Variants in BSDC1 observed in about 807,000 individuals in gnomAD.
BSDC1 encodes the protein BSD domain containing 1.
BSDC1 carries 29 observed loss-of-function variants against 56.0 expected under a neutral mutation model. That is an observed-to-expected ratio of 0.52 (90% CI 0.39 to 0.71). BSDC1 has a LOEUF of 0.71. Ranked by LOEUF, BSDC1 falls within the 30% of genes least tolerant of loss-of-function variation. The pLI, the probability that BSDC1 is intolerant of heterozygous loss-of-function variation, is 0.00. For synonymous variants in BSDC1, 210 were observed against 215.3 expected, an observed-to-expected ratio of 0.98 and a Z score of 0.21; for missense variants, 477 against 548.5, an observed-to-expected ratio of 0.87 and a Z score of 1.30.
chr1:32,393,892 G>A, intron 2 of BSDC1, 188 bp downstream of exon 2: 1 of 588,712 alleles, frequency 1.7e-6, no homozygotes. Context: ...TTTCACTGTG[G>A]CTAGTATCAC....
chr1:32,381,270 T>C lies in BSDC1; in HGVS notation c.358-2A>G. ...CGACTGCAGGCTATAGAGGCGAGCC[T>C]GTAAGAAAAGGAGAAGAGGAAAACA... is the stretch of plus-strand genomic sequence containing the variant. On this transcript the variant is annotated splice_acceptor_variant, in intron 4 of 10. Coordinates refer to ENST00000455895, the MANE Select transcript of BSDC1 (RefSeq NM_018045.8). LOFTEE classifies it high-confidence loss of function. The C allele has an allele frequency of 6.2e-7, 1 of 1,613,516 alleles. No individual in the cohort carries two copies. Among genetic ancestry groups the C allele is most frequent in the Non-Finnish European group, 8.5e-7 (1 of 1,179,690 alleles).
intron 3 of BSDC1, chr1:32,386,499 C>T (rs1247459724): frequency 3.1e-6 from 1 of 325,400 alleles, no homozygotes; most frequent in African/African-American, 2.2e-5. Context: ...CATTCTTTCT[C>T]TTTTCTTTCA....
At chr1:32,383,749 C>G (rs1382315208) in intron 4 of BSDC1, 81 bp downstream of exon 4, 11 of 1,359,142 alleles carry the variant, frequency 8.1e-6, no homozygotes, top group Non-Finnish European at 1.1e-5. Flanking sequence ...TGAACATGGG[C>G]TGCTTTTGTG....
In BSDC1 at chr1:32,366,367, G is replaced by A; in HGVS notation, c.*255C>T. The A allele has an allele frequency of 1.5e-6, 1 of 682,074 alleles. No homozygotes were observed. The highest frequency in any genetic ancestry group is 1.5e-5 in the South Asian group (1 of 65,844). 42.3% of individuals were successfully genotyped at this position (682,074 alleles called of 1,614,324 possible). On this transcript the variant is annotated 3_prime_UTR_variant, in exon 11 of 11. Transcript: ENST00000455895. Reference sequence around the variant, plus strand: ...GAAAAACACAGGCTCTTCTGGTGAGGAGGATAGGTTTCCTCTCCCTTGGGT... The same window carrying A: ...GAAAAACACAGGCTCTTCTGGTGAGAAGGATAGGTTTCCTCTCCCTTGGGT...
chr1:32,389,701 C>T (rs1358697744), intron 2 of BSDC1, among the ~76,000 whole-genome samples: 1 of 151,896 alleles, frequency 6.6e-6, no homozygotes, highest in Non-Finnish European at 1.5e-5. Context: ...GCCTGTAATC[C>T]CAGCACTTTG....
In BSDC1 at chr1:32,378,132, C is replaced by T; in HGVS notation, c.597+83G>A. On this transcript the variant is annotated intron_variant, in intron 7 of 10. Coordinates refer to ENST00000455895, the MANE Select transcript of BSDC1 (RefSeq NM_018045.8). This position sits in a 1 kb window ranked among gnomAD's most constrained non-coding sequence, Gnocchi z 5.2. ...GTCCTGATCCCACAACTCTTGGCAC[C>T]CTGTATCCCTTTCTTCTCTCAATAA... 3 of 1,602,836 alleles carry T rather than the reference C, an allele frequency of 1.9e-6. No individual in the cohort carries two copies. Among genetic ancestry groups the T allele is most frequent in the Non-Finnish European group, 2.6e-6 (3 of 1,171,314 alleles).
rs761285170 is a variant in BSDC1 at position 32,376,477 on chromosome 1, A to G, written c.941T>C (p.Leu314Ser). 1.8e-5 allele frequency: 29 copies of G among 1,612,240 alleles called. No homozygotes were observed. The highest frequency in any genetic ancestry group is 2.5e-5 in the Non-Finnish European group (29 of 1,178,626). Residue 314 changes from leucine (L) to serine (S), a missense_variant, in exon 9 of 11, where the codon TTG (leucine) becomes TCG (serine). Physicochemically the swap from Leu to Ser is moderately radical, Grantham distance 145. Transcript: ENST00000455895. Reference sequence around the variant, plus strand: ...ATCCACAGCCAGGCCCTGTTCCTCCAAGGATGCCTCTAGCAGCTTTTGGGA... The same window carrying G: ...ATCCACAGCCAGGCCCTGTTCCTCCGAGGATGCCTCTAGCAGCTTTTGGGA... ...DLSQKLLEAS[L>S]EEQGLAVDVG...
chr1:32,372,307 C>T (rs1642120261), intron 9 of BSDC1, among the ~76,000 whole-genome samples: 1 of 152,246 alleles, frequency 6.6e-6, no homozygotes, highest in South Asian at 2.1e-4. Flanking sequence ...GCTGTCACCA[C>T]AGGCTTCCTG....
In BSDC1 at chr1:32,365,593, G is replaced by A. The variant is rs1009224482; in HGVS notation, c.*1029C>T. 1 of 152,616 alleles carries A rather than the reference G, an allele frequency of 6.6e-6. No homozygotes were observed. The highest frequency in any genetic ancestry group is 1.5e-5 in the Non-Finnish European group (1 of 68,078). 9.5% of individuals were successfully genotyped at this position (152,616 alleles called of 1,614,324 possible). On this transcript the variant is annotated 3_prime_UTR_variant, in exon 11 of 11. Transcript: ENST00000455895. ...GCAGCTTTACCAGAGTGGAGGGTGAGAGCACAAAGGCTGGGTCTGTCTTCA... is the reference window on the plus strand; with the variant it reads ...GCAGCTTTACCAGAGTGGAGGGTGAAAGCACAAAGGCTGGGTCTGTCTTCA...
chr1:32,367,531 G>A, intron 10 of BSDC1: 1 of 985,404 alleles, frequency 1.0e-6, no homozygotes, highest in Non-Finnish European at 1.2e-6. Context: ...AGGCTCATAA[G>A]TTACATGATG....
chr1:32,390,851 C>G (rs572368587), intron 2 of BSDC1, among the ~76,000 whole-genome samples: 1 of 152,094 alleles, frequency 6.6e-6, no homozygotes, highest in Non-Finnish European at 1.5e-5. Context: ...GTGGAGGTTG[C>G]AGAGAACCAT....
chr1:32,378,293 G>C lies in BSDC1; in HGVS notation c.529-10C>G, dbSNP rs765592300. The C allele has an allele frequency of 1.2e-6, 2 of 1,614,018 alleles. No homozygotes were observed. The highest frequency in any genetic ancestry group is 1.7e-6 in the Non-Finnish European group (2 of 1,179,850). On this transcript the variant is annotated splice_polypyrimidine_tract_variant and intron_variant, in intron 6 of 10. Transcript: ENST00000455895. This position sits in a 1 kb window ranked among gnomAD's most constrained non-coding sequence, Gnocchi z 5.2. The stretch of plus-strand genomic sequence containing the variant: ...AAACAGCTGCTGGAACCTGGAGGGA[G>C]GGGAAAATGGAGGTGAGACTTTGGG...
At chr1:32,370,806 A>C (rs1642053240) in intron 9 of BSDC1, among the ~76,000 whole-genome samples, 1 of 134,764 alleles carries the variant, frequency 7.4e-6, no homozygotes, top group African/African-American at 3.4e-5. Flanking sequence ...TCCGTCTCAA[A>C]AAAAAAAAAA....
intron 5 of BSDC1, among the ~76,000 whole-genome samples, chr1:32,380,068 C>T (rs1004498326): frequency 1.1e-4 from 17 of 152,156 alleles, no homozygotes; most frequent in African/African-American, 4.8e-5. Flanking sequence ...GAGGGCTTGT[C>T]ATTTTCAATA....
intron 2 of BSDC1, among the ~76,000 whole-genome samples, chr1:32,392,527 T>A (rs1445824820): frequency 6.6e-6 from 1 of 152,018 alleles, no homozygotes; most frequent in Non-Finnish European, 1.5e-5. Flanking sequence ...TAAGTTATGA[T>A]AAGACCAACC....
chr1:32,371,625 T>TA (rs1350874258), intron 9 of BSDC1, among the ~76,000 whole-genome samples: 1 of 152,010 alleles, frequency 6.6e-6, no homozygotes, highest in East Asian at 1.9e-4. Context: ...TCTTTTTTTT[T>TA]AAGTACCTTT....
In BSDC1 at chr1:32,392,377, G is replaced by A. The variant is rs866224587; in HGVS notation, c.72+1703C>T. On this transcript the variant is annotated intron_variant, in intron 2 of 10. Coordinates refer to ENST00000455895, the MANE Select transcript of BSDC1 (RefSeq NM_018045.8). ...AAAACACTTGCCCAAGTACATATAA[G>A]AGTAAGAAAGTAAAAAAAGGGAAAT... Among the ~76,000 whole-genome samples the A allele has an allele frequency of 2.6e-5, 4 of 152,148 alleles. 1 individual carries two copies. Among genetic ancestry groups the A allele is most frequent in the Middle Eastern group, 6.8e-3 (2 of 294 alleles).
intron 9 of BSDC1, chr1:32,374,688 C>T (rs1642212506): frequency 6.6e-6 from 1 of 152,396 alleles, no homozygotes; most frequent in Non-Finnish European, 1.5e-5. Flanking sequence ...CTGCCCCAAA[C>T]TCACCAACTC....
chr1:32,385,771 T>C (rs769559280), intron 3 of BSDC1, among the ~76,000 whole-genome samples: 1 of 151,966 alleles, frequency 6.6e-6, no homozygotes, highest in Admixed American at 6.6e-5. Context: ...AGTAAGAAAA[T>C]AAGTTGGTAC....
Sources: allele counts gnomAD v4.1 joint callset (sites outside exome capture counted in the v4.1 genomes callset), GRCh38; gene constraint gnomAD v4.1.1; non-coding constraint Gnocchi (gnomAD v3.1); transcripts MANE v1.5; gene names NCBI Gene and HGNC (gene_info 2026-07-23, HGNC 2026-07-21).